Variants in RNF180 observed in about 807,000 individuals in gnomAD.
The protein encoded by RNF180 is ring finger protein 180.
In RNF180, 38 loss-of-function variants were observed where a neutral mutation model predicts 59.2. The observed-to-expected ratio is 0.64, with a 90% confidence interval of 0.50 to 0.84. The LOEUF is 0.84. Ranked by LOEUF, RNF180 falls within the 40% of genes least tolerant of loss-of-function variation. The pLI is 0.00. For missense variants in RNF180, 705 were observed against 700.9 expected (o/e 1.01, Z -0.07); for synonymous variants, 262 against 240.3 (o/e 1.09, Z -0.84).
chr5:64,244,441 A>C (rs192225416), intron 5 of RNF180, among the ~76,000 whole-genome samples: 2 of 152,352 alleles, frequency 1.3e-5, no homozygotes, highest in Admixed American at 1.3e-4. Context: ...TTTGTGAAGC[A>C]TACACAAGTA....
At chr5:64,332,293 G>A (rs1331846391) in intron 7 of RNF180, among the ~76,000 whole-genome samples, 3 of 152,214 alleles carry the variant, frequency 2.0e-5, no homozygotes, top group African/African-American at 7.2e-5. Context: ...TCTGTATAAA[G>A]ATTCCTAATA....
chr5:64,296,099 A>G (rs887969815), intron 5 of RNF180, among the ~76,000 whole-genome samples: 1 of 152,194 alleles, frequency 6.6e-6, no homozygotes, highest in Non-Finnish European at 1.5e-5. Flanking sequence ...ACATGACTAC[A>G]GGCTACTTCA....
intron 5 of RNF180, among the ~76,000 whole-genome samples, chr5:64,264,425 C>T (rs191586954): frequency 3.3e-5 from 5 of 152,036 alleles, no homozygotes; most frequent in African/African-American, 9.7e-5. Flanking sequence ...ATTCCCCTCC[C>T]GGTGTCCATG....
At chr5:64,193,318 A>G (rs930062763) in intron 1 of RNF180, among the ~76,000 whole-genome samples, 2 of 152,176 alleles carry the variant, frequency 1.3e-5, no homozygotes, top group Non-Finnish European at 2.9e-5. Flanking sequence ...TACAAAGAAC[A>G]AGGAAATTTT....
intron 5 of RNF180, among the ~76,000 whole-genome samples, chr5:64,256,234 G>T (rs746819681): frequency 5.3e-5 from 8 of 152,112 alleles, no homozygotes; most frequent in Admixed American, 2.0e-4. Context: ...TTTGGCTTTT[G>T]TTGCCATTGC....
At chr5:64,166,774 T>C (rs756895934) in intron 1 of RNF180, among the ~76,000 whole-genome samples, 4 of 152,190 alleles carry the variant, frequency 2.6e-5, no homozygotes, top group Non-Finnish European at 4.4e-5. Flanking sequence ...AAAGTGATTA[T>C]ATCAAAACTA....
intron 5 of RNF180, among the ~76,000 whole-genome samples, chr5:64,316,874 G>A (rs1744064821): frequency 6.6e-6 from 1 of 152,082 alleles, no homozygotes; most frequent in Admixed American, 6.5e-5. Context: ...ATGTCCAAGG[G>A]GGATGCGTCC....
At chr5:64,246,254 A>G (rs1304867626) in intron 5 of RNF180, among the ~76,000 whole-genome samples, 1 of 152,194 alleles carries the variant, frequency 6.6e-6, no homozygotes, top group East Asian at 1.9e-4. Flanking sequence ...AAGACGAGTA[A>G]TAACTAAGAT....
intron 1 of RNF180, 71 bp downstream of exon 1, chr5:64,166,024 G>C (rs1749613017): frequency 6.5e-6 from 1 of 152,850 alleles, no homozygotes; most frequent in Non-Finnish European, 1.5e-5. Context: ...GGCCTCGGCC[G>C]GGCCCTACCC....
intron 5 of RNF180, among the ~76,000 whole-genome samples, chr5:64,246,083 C>A (rs1228785136): frequency 2.0e-5 from 3 of 151,966 alleles, no homozygotes; most frequent in African/African-American, 4.8e-5. Flanking sequence ...GACACAATGT[C>A]AACATACCGG....
At chr5:64,346,411 C>A (rs1458429021) in intron 7 of RNF180, among the ~76,000 whole-genome samples, 1 of 136,604 alleles carries the variant, frequency 7.3e-6, no homozygotes, top group Non-Finnish European at 1.5e-5. Context: ...CTCTTGTCAC[C>A]CAGGCTGTAG....
At chr5:64,226,406 G>C (rs973682483) in intron 5 of RNF180, among the ~76,000 whole-genome samples, 1 of 152,154 alleles carries the variant, frequency 6.6e-6, no homozygotes, top group Admixed American at 6.5e-5. Context: ...TCAACTCAGG[G>C]TTAAATGGAT....
At chr5:64,222,281 C>T (rs1741385568) in intron 5 of RNF180, among the ~76,000 whole-genome samples, 1 of 150,878 alleles carries the variant, frequency 6.6e-6, no homozygotes, top group Non-Finnish European at 1.5e-5. Flanking sequence ...ATTCATACTT[C>T]CAGCTATGTT....
intron 5 of RNF180, among the ~76,000 whole-genome samples, chr5:64,232,546 A>G (rs905229190): frequency 6.6e-6 from 1 of 152,210 alleles, no homozygotes; most frequent in East Asian, 1.9e-4. Context: ...TGTTTGTTCA[A>G]AAGTTTAGGA....
intron 5 of RNF180, among the ~76,000 whole-genome samples, chr5:64,260,893 A>T (rs1463924479): frequency 6.7e-6 from 1 of 150,130 alleles, no homozygotes; most frequent in South Asian, 2.1e-4. Flanking sequence ...ATATTGTTGT[A>T]TGTTCTTTCC....
intron 5 of RNF180, among the ~76,000 whole-genome samples, chr5:64,231,653 ATGT>A (rs1333301496): frequency 1.3e-5 from 2 of 152,252 alleles, no homozygotes; most frequent in Non-Finnish European, 2.9e-5. Context: ...GGAATAGTGT[ATGT>A]TGTGACATGT....
intron 5 of RNF180, among the ~76,000 whole-genome samples, chr5:64,228,519 T>A (rs758566081): frequency 3.9e-5 from 6 of 152,042 alleles, no homozygotes; most frequent in Non-Finnish European, 8.8e-5. Context: ...GTCTCAAAAA[T>A]AAAATAAAAT....
chr5:64,342,047 A>ACAAC (rs1283648387), intron 7 of RNF180, among the ~76,000 whole-genome samples: 3 of 152,108 alleles, frequency 2.0e-5, no homozygotes, highest in Non-Finnish European at 4.4e-5. Flanking sequence ...CAACGAGAAA[A>ACAAC]CAACCACAGA....
chr5:64,263,458 T>A (rs1373313067), intron 5 of RNF180, among the ~76,000 whole-genome samples: 2 of 152,016 alleles, frequency 1.3e-5, no homozygotes, highest in Admixed American at 1.3e-4. Context: ...AGATAAAATA[T>A]GTTTAAAAGA....
Sources: gnomAD v4.1 joint callset for allele counts (sites outside exome capture counted in the v4.1 genomes callset) on GRCh38, gnomAD v4.1.1 for gene constraint, MANE v1.5 for transcripts, NCBI Gene and HGNC (gene_info 2026-07-23, HGNC 2026-07-21) for gene names.